The following NRG3 variants were observed in gnomAD, a reference collection of about 807,000 sequenced individuals.
The protein encoded by NRG3 is pro-neuregulin-3, membrane-bound isoform.
Under a neutral mutation model 66.9 loss-of-function variants are expected in NRG3, and 31 were observed. The observed-to-expected ratio is 0.46, with a 90% CI of 0.35 to 0.63. The LOEUF is 0.63. Among genes scored for constraint, NRG3 ranks in the 20% least tolerant of loss-of-function variants. NRG3 has a pLI of 0.00. For missense variants in NRG3, 910 were observed against 878.9 expected (o/e 1.04, Z -0.45); for synonymous variants, 393 against 359.4 (o/e 1.09, Z -1.06).
chr10:81,900,472 G>T (rs530803402), intron 1 of NRG3, among the ~76,000 whole-genome samples: 1 of 152,328 alleles, frequency 6.6e-6, no homozygotes, highest in South Asian at 2.1e-4. Flanking sequence ...TGAATTACAA[G>T]TTTGCAGAAC....
intron 1 of NRG3, among the ~76,000 whole-genome samples, chr10:82,134,989 G>T (rs534686394): frequency 6.6e-6 from 1 of 151,892 alleles, no homozygotes; most frequent in African/African-American, 2.4e-5. Flanking sequence ...AGCCAGGCGT[G>T]GTGGCACATG....
At chr10:82,281,524 T>A (rs2079119345) in intron 1 of NRG3, among the ~76,000 whole-genome samples, 1 of 151,868 alleles carries the variant, frequency 6.6e-6, no homozygotes, top group African/African-American at 2.4e-5. Context: ...TGGAGAGGAA[T>A]GTGGGGATGG....
intron 1 of NRG3, among the ~76,000 whole-genome samples, chr10:82,252,014 A>T (rs944002037): frequency 6.6e-6 from 1 of 152,146 alleles, no homozygotes; most frequent in African/African-American, 2.4e-5. Context: ...GCCCCCACCC[A>T]GCCTGCCCTG....
chr10:82,155,341 T>C (rs2071106566), intron 1 of NRG3, among the ~76,000 whole-genome samples: 1 of 151,752 alleles, frequency 6.6e-6, no homozygotes, highest in South Asian at 2.1e-4. Flanking sequence ...CCTTTGTTCA[T>C]TTACCTTTTA....
intron 2 of NRG3, among the ~76,000 whole-genome samples, chr10:82,720,137 C>T (rs2252394): frequency 0.46 from 69,517 of 152,044 alleles, 16,971 homozygotes; most frequent in East Asian, 0.64. Context: ...TGCCTGTAAT[C>T]CTAGCACTTC....
chr10:82,814,554 C>T (rs778395944), intron 3 of NRG3, among the ~76,000 whole-genome samples: 1 of 152,132 alleles, frequency 6.6e-6, no homozygotes, highest in Non-Finnish European at 1.5e-5. Flanking sequence ...TTAGTATTCT[C>T]TCATCCTCCC....
In NRG3 at chr10:82,737,972, G is replaced by GA. The variant is rs577430757; in HGVS notation, c.954-599dup. Among the ~76,000 whole-genome samples, 540 of 151,984 alleles carry GA rather than the reference G, an allele frequency of 3.6e-3. 5 individuals carry two copies. The highest frequency in any genetic ancestry group is 0.012 in the African/African-American group (490 of 41,450). ...AATATAAAAGAGAAAAATAGAGAGA[G>GA]AAAAAATCTGAGTTTAGAGATGCCT... On this transcript the variant is annotated intron_variant, in intron 2 of 8. Transcript: ENST00000372141.
chr10:82,804,412 TG>T, intron 3 of NRG3, among the ~76,000 whole-genome samples: 1 of 152,292 alleles, frequency 6.6e-6, no homozygotes, highest in South Asian at 2.1e-4. Flanking sequence ...GCATTGCATT[TG>T]TGGGTGGAAG....
intron 5 of NRG3, among the ~76,000 whole-genome samples, chr10:82,952,377 G>A (rs1044578139): frequency 1.3e-5 from 2 of 150,496 alleles, no homozygotes; most frequent in Non-Finnish European, 2.9e-5. Context: ...AAGTTGCAGT[G>A]AGCCCAGATC....
chr10:82,152,512 T>C (rs1051131210), intron 1 of NRG3, among the ~76,000 whole-genome samples: 7 of 151,442 alleles, frequency 4.6e-5, no homozygotes, highest in African/African-American at 1.7e-4. Flanking sequence ...GAACTATTTC[T>C]TTTTTTTTGA....
chr10:82,521,085 G>A (rs1846133048), intron 2 of NRG3, among the ~76,000 whole-genome samples: 1 of 151,936 alleles, frequency 6.6e-6, no homozygotes, highest in African/African-American at 2.4e-5. Context: ...ATCAAATACT[G>A]CAATTAAAGA....
chr10:82,351,096 G>A (rs762028176), intron 1 of NRG3, among the ~76,000 whole-genome samples: 50 of 152,152 alleles, frequency 3.3e-4, no homozygotes, highest in Admixed American at 3.9e-4. Flanking sequence ...GGGTTTCACC[G>A]TGTTAGCCAG....
In NRG3 at chr10:82,985,189, G is replaced by A. The variant is rs745517700; in HGVS notation, c.1675G>A (p.Glu559Lys). Residue 559 changes from glutamate to lysine, a missense_variant, in exon 9 of 9, where the codon GAG becomes AAG. Coordinates refer to ENST00000372141, the MANE Select transcript of NRG3 (RefSeq NM_001010848.4). The stretch of plus-strand genomic sequence containing the variant: ...GACAAACCCCTATTTTAATAGCTTG[G>A]AGCAAAAGGACCTGGTGGGCTATTC... ...RETNPYFNSL[E>K]QKDLVGYSST... 1 of 1,614,070 alleles carries A rather than the reference G, an allele frequency of 6.2e-7. No homozygotes were observed. Among genetic ancestry groups the A allele is most frequent in the South Asian group, 1.1e-5 (1 of 91,076 alleles).
chr10:82,383,718 T>G (rs2085784435), intron 2 of NRG3, among the ~76,000 whole-genome samples: 1 of 152,022 alleles, frequency 6.6e-6, no homozygotes, highest in African/African-American at 2.4e-5. Flanking sequence ...TAATCTGACA[T>G]TGTGATCTGT....
chr10:82,933,085 A>C (rs532541057), intron 4 of NRG3, among the ~76,000 whole-genome samples: 2 of 152,126 alleles, frequency 1.3e-5, no homozygotes, highest in East Asian at 3.9e-4. Context: ...GAAGCAGCAA[A>C]TTTTCTCAGA....
intron 1 of NRG3, among the ~76,000 whole-genome samples, chr10:82,219,307 T>A (rs1379174933): frequency 1.4e-5 from 2 of 147,868 alleles, no homozygotes; most frequent in African/African-American, 2.5e-5. Flanking sequence ...CTCAAAAAAA[T>A]TTTTTGGCAA....
intron 2 of NRG3, among the ~76,000 whole-genome samples, chr10:82,362,053 C>T (rs1589851586): frequency 1.1e-5 from 1 of 89,570 alleles, no homozygotes; most frequent in African/African-American, 4.6e-5. Flanking sequence ...CCAAACTATT[C>T]GTGATAGAAA....
chr10:82,325,920 T>C (rs929632202), intron 1 of NRG3, among the ~76,000 whole-genome samples: 1 of 152,214 alleles, frequency 6.6e-6, no homozygotes, highest in African/African-American at 2.4e-5. Context: ...AACAGTTGAT[T>C]ATATTTGGAA....
intron 2 of NRG3, among the ~76,000 whole-genome samples, chr10:82,390,741 G>A (rs2086305017): frequency 6.6e-6 from 1 of 152,154 alleles, no homozygotes; most frequent in Non-Finnish European, 1.5e-5. Flanking sequence ...CTACTTCTCT[G>A]CAGAAGAGGA....
Sources: gnomAD v4.1 joint callset for allele counts (sites outside exome capture counted in the v4.1 genomes callset) on GRCh38, gnomAD v4.1.1 for gene constraint, MANE v1.5 for transcripts, NCBI Gene and HGNC (gene_info 2026-07-23, HGNC 2026-07-21) for gene names.